C7orf78: variants seen among roughly 807,000 people sequenced by gnomAD.
The protein encoded by C7orf78 is chromosome 7 open reading frame 78.
chr7:12,518,867 C>G, the C7orf78 span, among the ~76,000 whole-genome samples: 1 of 152,076 alleles, frequency 6.6e-6, no homozygotes, highest in Non-Finnish European at 1.5e-5. Flanking sequence ...TCAGCAGTCT[C>G]CTACAAGCAG....
the C7orf78 span, among the ~76,000 whole-genome samples, chr7:12,500,352 AAG>A: frequency 1.3e-5 from 2 of 151,386 alleles, no homozygotes; most frequent in Non-Finnish European, 3.0e-5. Flanking sequence ...TAAAGAAAAA[AAG>A]AGAGAAGAAT....
chr7:12,538,332 C>A, the C7orf78 span: 1 of 152,100 alleles, frequency 6.6e-6, no homozygotes, highest in African/African-American at 2.4e-5. Context: ...GGGAAGAGAA[C>A]GTTCTGTTGT....
At chr7:12,513,416 T>C in the C7orf78 span, among the ~76,000 whole-genome samples, 1 of 152,182 alleles carries the variant, frequency 6.6e-6, no homozygotes, top group South Asian at 2.1e-4. Flanking sequence ...AGTACTTCTT[T>C]TGCTGTATCC....
At chr7:12,497,775 G>C in the C7orf78 span, among the ~76,000 whole-genome samples, 25 of 151,740 alleles carry the variant, frequency 1.6e-4, no homozygotes, top group South Asian at 1.0e-3. Context: ...TCCACCTCTG[G>C]GGGCAGGGCA....
the C7orf78 span, among the ~76,000 whole-genome samples, chr7:12,498,458 G>A: frequency 1.3e-5 from 2 of 151,688 alleles, no homozygotes; most frequent in Non-Finnish European, 2.9e-5. Flanking sequence ...AGGAGCCGAT[G>A]CGATCAACTG....
the C7orf78 span, among the ~76,000 whole-genome samples, chr7:12,540,591 G>A: frequency 6.6e-6 from 1 of 152,190 alleles, no homozygotes; most frequent in Non-Finnish European, 1.5e-5. Flanking sequence ...TATTCAAGAT[G>A]GCACTCCAAA....
At chr7:12,539,360 A>T in the C7orf78 span, among the ~76,000 whole-genome samples, 1 of 152,126 alleles carries the variant, frequency 6.6e-6, no homozygotes, top group African/African-American at 2.4e-5. Context: ...GCTACTTGGG[A>T]GGCTGAGGCA....
At chr7:12,539,642 T>A in the C7orf78 span, among the ~76,000 whole-genome samples, 1 of 152,166 alleles carries the variant, frequency 6.6e-6, no homozygotes, top group Admixed American at 6.5e-5. Flanking sequence ...TTAGTCTAGG[T>A]CCTGCTGCTC....
the C7orf78 span, among the ~76,000 whole-genome samples, chr7:12,536,358 T>C: frequency 6.6e-6 from 1 of 152,174 alleles, no homozygotes; most frequent in South Asian, 2.1e-4. Context: ...AGCTCTACGT[T>C]GGCCTCTTCC....
chr7:12,522,188 A>T, the C7orf78 span, among the ~76,000 whole-genome samples: 433 of 152,206 alleles, frequency 2.8e-3, 3 homozygotes, highest in African/African-American at 9.8e-3. Flanking sequence ...AAGGAAATTC[A>T]TCCTCACCTC....
the C7orf78 span, among the ~76,000 whole-genome samples, chr7:12,540,518 T>C: frequency 6.6e-6 from 1 of 152,248 alleles, no homozygotes. Flanking sequence ...ATTATTATTG[T>C]TGTTATAATT....
At chr7:12,487,267 A>T in the C7orf78 span, among the ~76,000 whole-genome samples, 27 of 152,200 alleles carry the variant, frequency 1.8e-4, no homozygotes, top group South Asian at 5.4e-3. Context: ...TATTCTAGAA[A>T]CTTGGGAAGA....
At chr7:12,512,109 T>G in the C7orf78 span, among the ~76,000 whole-genome samples, 2 of 151,746 alleles carry the variant, frequency 1.3e-5, no homozygotes, top group Non-Finnish European at 2.9e-5. Context: ...GTTTTTTTAG[T>G]GGAGACTTTT....
At chr7:12,483,980 T>C in the C7orf78 span, 1 of 152,232 alleles carries the variant, frequency 6.6e-6, no homozygotes, top group South Asian at 2.1e-4. Context: ...TCTCTTATTA[T>C]TTTGAGTCTG....
chr7:12,509,676 T>G, the C7orf78 span, among the ~76,000 whole-genome samples: 12 of 152,190 alleles, frequency 7.9e-5, no homozygotes, highest in Non-Finnish European at 1.8e-4. Flanking sequence ...TATGTCCATG[T>G]GATCAAGTTT....
chr7:12,512,965 G>A, the C7orf78 span, among the ~76,000 whole-genome samples: 1 of 151,952 alleles, frequency 6.6e-6, no homozygotes, highest in African/African-American at 2.4e-5. Context: ...GCATATAGTT[G>A]TTAATAATAG....
chr7:12,524,167 T>A, the C7orf78 span, among the ~76,000 whole-genome samples: 10 of 152,174 alleles, frequency 6.6e-5, no homozygotes, highest in Non-Finnish European at 1.2e-4. Flanking sequence ...GTTCTTTTAT[T>A]TTCTAATAAC....
At chr7:12,497,712 C>T in the C7orf78 span, among the ~76,000 whole-genome samples, 17 of 152,022 alleles carry the variant, frequency 1.1e-4, no homozygotes, top group Non-Finnish European at 2.4e-4. Context: ...CTGGGAAGCT[C>T]GAACTGGGTG....
the C7orf78 span, among the ~76,000 whole-genome samples, chr7:12,538,718 T>C: frequency 6.6e-6 from 1 of 152,118 alleles, no homozygotes; most frequent in South Asian, 2.1e-4. Context: ...TTTCATTAAT[T>C]CACTGTGTTT....
Sources: gnomAD v4.1 joint callset for allele counts (sites outside exome capture counted in the v4.1 genomes callset) on GRCh38, gnomAD v4.1.1 for gene constraint, MANE v1.5 for transcripts, NCBI Gene and HGNC (gene_info 2026-07-23, HGNC 2026-07-21) for gene names.